The following TBC1D16 variants were observed in gnomAD, a reference collection of about 807,000 sequenced individuals.
The protein encoded by TBC1D16 is TBC1 domain family member 16.
TBC1D16 carries 58 observed loss-of-function variants against 74.7 expected under a neutral mutation model. The observed-to-expected ratio is 0.78, with a 90% confidence interval of 0.63 to 0.97. The LOEUF (loss-of-function observed/expected upper bound fraction) is 0.97. TBC1D16 is among the 50% of genes least tolerant of loss of function. The pLI is 0.00. For missense variants in TBC1D16, 1,014 were observed against 1,079.5 expected (o/e 0.94, Z 0.85); for synonymous variants, 493 against 474.7 (o/e 1.04, Z -0.50).
At chr17:80,013,208 C>T (rs1051863884) in intron 2 of TBC1D16, among the ~76,000 whole-genome samples, 159 bp downstream of exon 2, 2 of 152,252 alleles carry the variant, frequency 1.3e-5, no homozygotes, top group Non-Finnish European at 2.9e-5. Flanking sequence ...ACTTAACACC[C>T]CCCAGACCCT....
chr17:79,941,218 G>C lies in TBC1D16; in HGVS notation c.2056-111C>G, dbSNP rs1008039157. 6 of 1,096,980 alleles carry C rather than the reference G, an allele frequency of 5.5e-6. No individual in the cohort carries two copies. The highest frequency in any genetic ancestry group is 1.6e-5 in the African/African-American group (1 of 63,696). The allele number at this position is 1,096,980 out of a possible 1,614,324, so 68.0% of individuals were successfully genotyped here. On this transcript the variant is annotated intron_variant, in intron 11 of 11. Transcript: ENST00000310924. The surrounding 1 kb of genome is among the most constrained non-coding windows in gnomAD (Gnocchi z 4.3). ...CAGCAGCAACAACGGCCTGCACCTC[G>C]GGGGCTCACCGAGTCCTGGACTGAG...
chr17:80,004,986 T>A (rs1341995693), intron 3 of TBC1D16, among the ~76,000 whole-genome samples: 1 of 152,260 alleles, frequency 6.6e-6, no homozygotes, highest in African/African-American at 2.4e-5. Flanking sequence ...TTGGCCTTTC[T>A]ATCTGTAATT....
chr17:80,034,830 C>T (rs964532225), intron 1 of TBC1D16, among the ~76,000 whole-genome samples: 1 of 152,206 alleles, frequency 6.6e-6, no homozygotes, highest in African/African-American at 2.4e-5. Flanking sequence ...TTGCGCCCAC[C>T]CTCTGGCAAT....
At chr17:80,014,926 T>C (rs1296256292) in intron 1 of TBC1D16, among the ~76,000 whole-genome samples, 3 of 152,030 alleles carry the variant, frequency 2.0e-5, no homozygotes, top group Admixed American at 6.6e-5. Context: ...GAAATGTATA[T>C]ATAATGCGCT....
chr17:80,011,703 G>A (rs1487469609), intron 2 of TBC1D16, among the ~76,000 whole-genome samples: 1 of 152,038 alleles, frequency 6.6e-6, no homozygotes, highest in African/African-American at 2.4e-5. Context: ...GTGGGCGCCT[G>A]TAGTCCCAGC....
chr17:79,976,249 T>C (rs2034325229), intron 3 of TBC1D16, among the ~76,000 whole-genome samples: 1 of 152,248 alleles, frequency 6.6e-6, no homozygotes. Flanking sequence ...GGTCTGGTCA[T>C]TGCTCACACC....
chr17:80,024,902 C>G (rs1420432133), intron 1 of TBC1D16, among the ~76,000 whole-genome samples: 3 of 15,094 alleles, frequency 2.0e-4, no homozygotes, highest in African/African-American at 1.3e-3. Context: ...ACTGCATAAA[C>G]ATCACACACA....
rs139253320 is a variant in TBC1D16 at position 79,980,820 on chromosome 17, C to T, written c.780-28002G>A. ...ACTCAGTGGCACACCTGGGACTGCC[C>T]GAATCTGTGCCCTGGTCCCCGTTAC... is the stretch of plus-strand genomic sequence containing the variant. On this transcript the variant is annotated intron_variant, in intron 3 of 11. Transcript: ENST00000310924. The surrounding 1 kb of genome is among the most constrained non-coding windows in gnomAD (Gnocchi z 7.0). Among the ~76,000 whole-genome samples the T allele has an allele frequency of 6.4e-4, 97 of 152,270 alleles. No homozygotes were observed. The highest frequency in any genetic ancestry group is 3.4e-3 in the Middle Eastern group (1 of 294).
In TBC1D16 at chr17:79,956,113, T is replaced by C. The variant is rs988321165; in HGVS notation, c.780-3295A>G. Among the ~76,000 whole-genome samples, 2 of 152,176 alleles carry C rather than the reference T, an allele frequency of 1.3e-5. No homozygotes were observed. The highest frequency in any genetic ancestry group is 2.9e-5 in the Non-Finnish European group (2 of 68,030). On this transcript the variant is annotated intron_variant, in intron 3 of 11. Transcript: ENST00000310924. This position sits in a 1 kb window ranked among gnomAD's most constrained non-coding sequence, Gnocchi z 4.0. ...GCACCAGAGCCCCGACACCTGTCAA[T>C]GGAGGCCGTTCCAGACCCTCCGCCC...
In TBC1D16 at chr17:79,940,631, C is replaced by T; in HGVS notation, c.*228G>A. 1 of 453,816 alleles carries T rather than the reference C, an allele frequency of 2.2e-6. No homozygotes were observed. The highest frequency in any genetic ancestry group is 3.6e-5 in the East Asian group (1 of 27,808). The allele number at this position is 453,816 out of a possible 1,614,324, so 28.1% of individuals were successfully genotyped here. On this transcript the variant is annotated 3_prime_UTR_variant, in exon 12 of 12. Coordinates refer to ENST00000310924, the MANE Select transcript of TBC1D16 (RefSeq NM_019020.4). This position sits in a 1 kb window ranked among gnomAD's most constrained non-coding sequence, Gnocchi z 5.4. Reference sequence around the variant, plus strand: ...GGTGCGGTGGCTGCGCGTTCCACTGCAGCGTTTCAGGAGCTGACTTTCCTC... The same window carrying T: ...GGTGCGGTGGCTGCGCGTTCCACTGTAGCGTTTCAGGAGCTGACTTTCCTC...
At position 79,979,952 on chromosome 17, in the gene TBC1D16, T is replaced by C. The variant is rs2034508880; in HGVS notation, c.780-27134A>G. 6.6e-6 allele frequency among the ~76,000 whole-genome samples: 1 copy of C among 152,056 alleles called. No individual in the cohort carries two copies. Among genetic ancestry groups the C allele is most frequent in the Non-Finnish European group, 1.5e-5 (1 of 68,008 alleles). On this transcript the variant is annotated intron_variant, in intron 3 of 11. Coordinates refer to ENST00000310924, the MANE Select transcript of TBC1D16 (RefSeq NM_019020.4). This position sits in a 1 kb window ranked among gnomAD's most constrained non-coding sequence, Gnocchi z 4.8. ...AGGTCCAGGTCCCAGACACATCCATTATGGCCAAACACAAGAAGCCCTCAG... is the reference window on the plus strand; with the variant it reads ...AGGTCCAGGTCCCAGACACATCCATCATGGCCAAACACAAGAAGCCCTCAG...
At chr17:80,006,428 A>G (rs1392872757) in intron 3 of TBC1D16, among the ~76,000 whole-genome samples, 4 of 148,090 alleles carry the variant, frequency 2.7e-5, no homozygotes, top group Non-Finnish European at 6.1e-5. Flanking sequence ...CGGGCTGGGG[A>G]CGCCTGCTCT....
chr17:80,025,440 T>C (rs895038674), intron 1 of TBC1D16, among the ~76,000 whole-genome samples: 18 of 149,910 alleles, frequency 1.2e-4, no homozygotes, highest in Non-Finnish European at 2.4e-4. Context: ...CGGCAGGAAG[T>C]GCAGGCTCTG....
intron 3 of TBC1D16, among the ~76,000 whole-genome samples, chr17:79,989,039 T>A (rs1021304374): frequency 6.6e-6 from 1 of 152,126 alleles, no homozygotes; most frequent in Non-Finnish European, 1.5e-5. Context: ...AACACCATGA[T>A]TAGGGAAACT....
In TBC1D16 at chr17:79,945,089, T is replaced by C; in HGVS notation, c.1729-2A>G. On this transcript the variant is annotated splice_acceptor_variant, in intron 9 of 11. Transcript: ENST00000310924. LOFTEE classifies it high-confidence loss of function. ...CCGCAGCAGCTCGCGCAGGTACAGC[T>C]GGGGGTGAGGCCGTCACGCGTTAGT... is the stretch of plus-strand genomic sequence containing the variant. The C allele has an allele frequency of 6.3e-7, 1 of 1,577,222 alleles. No homozygotes were observed. Among genetic ancestry groups the C allele is most frequent in the Non-Finnish European group, 8.6e-7 (1 of 1,162,720 alleles).
chr17:79,950,181 C>T lies in TBC1D16; in HGVS notation c.1257+230G>A, dbSNP rs181349488. On this transcript the variant is annotated intron_variant, in intron 6 of 11. Transcript: ENST00000310924. This position sits in a 1 kb window ranked among gnomAD's most constrained non-coding sequence, Gnocchi z 4.6. ...TCTATGCAGGCTGACACGGTATCCC[C>T]CCAAACCCTCGAGGGAGGTGTTGTG... Among the ~76,000 whole-genome samples the T allele has an allele frequency of 1.3e-5, 2 of 152,252 alleles. No homozygotes were observed. Among genetic ancestry groups the T allele is most frequent in the Non-Finnish European group, 2.9e-5 (2 of 68,000 alleles).
chr17:80,000,522 C>T lies in TBC1D16; in HGVS notation c.779+9638G>A, dbSNP rs2035448557. On this transcript the variant is annotated intron_variant, in intron 3 of 11. Transcript: ENST00000310924. The surrounding 1 kb of genome is among the most constrained non-coding windows in gnomAD (Gnocchi z 4.1). ...CAGAGGGAGCGTGGCTCTGCAGACACCTTGATTTTGGACCTCTGGCTCCAG... is the reference window on the plus strand; with the variant it reads ...CAGAGGGAGCGTGGCTCTGCAGACATCTTGATTTTGGACCTCTGGCTCCAG... 6.6e-6 allele frequency among the ~76,000 whole-genome samples: 1 copy of T among 152,204 alleles called. No individual in the cohort carries two copies. Among genetic ancestry groups the T allele is most frequent in the African/African-American group, 2.4e-5 (1 of 41,446 alleles).
Position 79,954,983 on chromosome 17 carries a change from GGC to G in TBC1D16, c.780-2167_780-2166del, listed in dbSNP as rs1286923865. On this transcript the variant is annotated intron_variant, in intron 3 of 11. Coordinates refer to ENST00000310924, the MANE Select transcript of TBC1D16 (RefSeq NM_019020.4). The surrounding 1 kb of genome is among the most constrained non-coding windows in gnomAD (Gnocchi z 5.5). ...TGGAGGGCCCCCTCCCTGCTGCCGT[GGC>G]CACAGAAGACTGGTCCCCTGGAGGG... Among the ~76,000 whole-genome samples the G allele has an allele frequency of 1.3e-5, 2 of 152,118 alleles. No homozygotes were observed. The highest frequency in any genetic ancestry group is 1.9e-4 in the East Asian group (1 of 5,184).
At chr17:80,028,020 G>A (rs2036644392) in intron 1 of TBC1D16, among the ~76,000 whole-genome samples, 1 of 151,854 alleles carries the variant, frequency 6.6e-6, no homozygotes, top group Admixed American at 6.6e-5. Context: ...GTTGGTTTGT[G>A]TTTTCAATAA....
Sources: allele counts gnomAD v4.1 joint callset (sites outside exome capture counted in the v4.1 genomes callset), GRCh38; gene constraint gnomAD v4.1.1; non-coding constraint Gnocchi (gnomAD v3.1); transcripts MANE v1.5; gene names NCBI Gene and HGNC (gene_info 2026-07-23, HGNC 2026-07-21).